Variants in KIRREL3 observed in about 807,000 individuals in gnomAD.
The protein encoded by KIRREL3 is kin of IRRE-like protein 3.
Under a neutral mutation model 89.7 loss-of-function variants are expected in KIRREL3, and 36 were observed. The ratio of observed to expected loss-of-function variants is 0.40; its 90% CI spans 0.31 to 0.53. KIRREL3 has a LOEUF of 0.53. KIRREL3 is among the 20% of genes least tolerant of loss of function. The pLI is 0.49. For missense variants in KIRREL3, 864 were observed against 1,056.6 expected, an observed-to-expected ratio of 0.82 and a Z score of 2.53; for synonymous variants, 445 against 441.4, an observed-to-expected ratio of 1.01 and a Z score of -0.10.
chr11:126,425,000 G>A lies in KIRREL3; in HGVS notation c.1917C>T (p.Ser639=), dbSNP rs759990243. The A allele has an allele frequency of 2.6e-5, 40 of 1,548,710 alleles. No individual in the cohort carries two copies. In the African/African-American group the frequency reaches 3.0e-4, roughly 12 times the overall value. Residue 639 remains serine, a synonymous_variant, in exon 17 of 17, where the codon AGC becomes AGT. Coordinates refer to ENST00000525144, the MANE Select transcript of KIRREL3 (RefSeq NM_032531.4). ...NLKDPTNGYY[S]VNTFKEHHST... ...AGTGGTGCTCTTTGAAGGTGTTGAC[G>A]CTGTAGTAGCCATTGGTGGGGTCCT...
rs774292896 is a variant in KIRREL3, at chr11:126,476,160, G to C, written c.434-2694C>G. On this transcript the variant is annotated intron_variant, in intron 4 of 16. Coordinates refer to ENST00000525144, the MANE Select transcript of KIRREL3 (RefSeq NM_032531.4). This position sits in a 1 kb window ranked among gnomAD's most constrained non-coding sequence, Gnocchi z 6.4. ...CGGACATTTACTGGGCCTTGGACAGGGGTTTGAAGCCTTGACTGCATGCTC... is the reference window on the plus strand; with the variant it reads ...CGGACATTTACTGGGCCTTGGACAGCGGTTTGAAGCCTTGACTGCATGCTC... Among the ~76,000 whole-genome samples the C allele has an allele frequency of 2.0e-5, 3 of 152,204 alleles. No individual in the cohort carries two copies. Among genetic ancestry groups the C allele is most frequent in the Non-Finnish European group, 4.4e-5 (3 of 68,034 alleles).
intron 1 of KIRREL3, among the ~76,000 whole-genome samples, chr11:126,629,584 C>A (rs1384726648): frequency 2.0e-5 from 3 of 152,224 alleles, no homozygotes; most frequent in Non-Finnish European, 4.4e-5. Flanking sequence ...CATGTCCACC[C>A]TGCCCTGTGC....
rs1049415649 is a variant in KIRREL3, at chr11:126,904,566, T to C, written c.55+95889A>G. ...CCACACTTCTTAGCTCAGCTGCTGA[T>C]GGCTTCCTACTAATGACTTTAAATA... is the stretch of plus-strand genomic sequence containing the variant. On this transcript the variant is annotated intron_variant, in intron 1 of 16. Coordinates refer to ENST00000525144, the MANE Select transcript of KIRREL3 (RefSeq NM_032531.4). This position sits in a 1 kb window ranked among gnomAD's most constrained non-coding sequence, Gnocchi z 4.4. Among the ~76,000 whole-genome samples the C allele has an allele frequency of 3.3e-5, 5 of 152,240 alleles. No individual in the cohort carries two copies. Among genetic ancestry groups the C allele is most frequent in the Non-Finnish European group, 5.9e-5 (4 of 68,042 alleles).
intron 2 of KIRREL3, among the ~76,000 whole-genome samples, chr11:126,548,665 T>C (rs1326150273): frequency 2.0e-5 from 3 of 152,248 alleles, no homozygotes; most frequent in African/African-American, 7.2e-5. Context: ...ACTAGCGCTC[T>C]TGCTTAGGGC....
At chr11:126,735,603 G>C (rs1297816750) in intron 1 of KIRREL3, among the ~76,000 whole-genome samples, 1 of 152,194 alleles carries the variant, frequency 6.6e-6, no homozygotes, top group African/African-American at 2.4e-5. Flanking sequence ...GGCTTTGGAG[G>C]TAACAGGCAG....
chr11:126,826,501 C>A (rs73026545), intron 1 of KIRREL3, among the ~76,000 whole-genome samples: 38,005 of 151,990 alleles, frequency 0.25, 4,793 homozygotes, highest in Admixed American at 0.31. Context: ...CTCCTGTGAA[C>A]CTTCTCCAAT....
Position 126,653,594 on chromosome 11 carries a change from C to T in KIRREL3, c.56-90682G>A, listed in dbSNP as rs1944997655. 6.6e-6 allele frequency among the ~76,000 whole-genome samples: 1 copy of T among 152,136 alleles called. No homozygotes were observed. The highest frequency in any genetic ancestry group is 1.5e-5 in the Non-Finnish European group (1 of 68,018). On this transcript the variant is annotated intron_variant, in intron 1 of 16. Coordinates refer to ENST00000525144, the MANE Select transcript of KIRREL3 (RefSeq NM_032531.4). The surrounding 1 kb of genome is among the most constrained non-coding windows in gnomAD (Gnocchi z 5.4). Reference sequence around the variant, plus strand: ...TGGCATTTTGCAAACTCCAATCCCCCAGGACCACATGTGAAGGAGCTCTTT... The same window carrying T: ...TGGCATTTTGCAAACTCCAATCCCCTAGGACCACATGTGAAGGAGCTCTTT...
At chr11:126,910,607 T>A (rs186525368) in intron 1 of KIRREL3, among the ~76,000 whole-genome samples, 90 of 152,226 alleles carry the variant, frequency 5.9e-4, no homozygotes, top group Non-Finnish European at 3.1e-4. Context: ...TCCCACGAGG[T>A]AAATAATAGT....
intron 1 of KIRREL3, among the ~76,000 whole-genome samples, chr11:126,960,703 CCT>C (rs1949059703): frequency 1.3e-5 from 2 of 152,036 alleles, no homozygotes. Flanking sequence ...GAACTCCACC[CCT>C]CTCTTTTCTT....
intron 1 of KIRREL3, among the ~76,000 whole-genome samples, chr11:126,888,613 A>C (rs1213771858): frequency 6.6e-6 from 1 of 152,012 alleles, no homozygotes; most frequent in Non-Finnish European, 1.5e-5. Context: ...AGGCCCTCCC[A>C]TTCCAAGATG....
Position 126,724,448 on chromosome 11 carries a change from C to A in KIRREL3, c.56-161536G>T, listed in dbSNP as rs1243903858. ...GAGTGAGTGAGCCAGCAGATGGACA[C>A]CCTGGAGGTTCGGAGCCATGTCACT... On this transcript the variant is annotated intron_variant, in intron 1 of 16. Coordinates refer to ENST00000525144, the MANE Select transcript of KIRREL3 (RefSeq NM_032531.4). This position sits in a 1 kb window ranked among gnomAD's most constrained non-coding sequence, Gnocchi z 4.3. 2.6e-5 allele frequency among the ~76,000 whole-genome samples: 4 copies of A among 152,280 alleles called. No homozygotes were observed. Among genetic ancestry groups the A allele is most frequent in the African/African-American group, 9.6e-5 (4 of 41,536 alleles).
At chr11:126,980,123 G>A (rs1591418028) in intron 1 of KIRREL3, among the ~76,000 whole-genome samples, 1 of 152,286 alleles carries the variant, frequency 6.6e-6, no homozygotes, top group South Asian at 2.1e-4. Flanking sequence ...GGTAACCTTT[G>A]AGCCAAGCCT....
chr11:126,974,285 CA>C (rs1949508627), intron 1 of KIRREL3, among the ~76,000 whole-genome samples: 1 of 152,118 alleles, frequency 6.6e-6, no homozygotes, highest in African/African-American at 2.4e-5. Flanking sequence ...GTGCTGTAGT[CA>C]AATAATGTTT....
intron 1 of KIRREL3, among the ~76,000 whole-genome samples, chr11:126,588,409 T>C (rs1053259127): frequency 1.3e-5 from 2 of 152,130 alleles, no homozygotes; most frequent in Non-Finnish European, 2.9e-5. Context: ...GCAAGTTACC[T>C]GGGAGGGCTA....
rs1316236358 is a variant in KIRREL3, at chr11:126,912,692, G to A, written c.55+87763C>T. 6.6e-6 allele frequency among the ~76,000 whole-genome samples: 1 copy of A among 152,220 alleles called. No individual in the cohort carries two copies. Among genetic ancestry groups the A allele is most frequent in the Non-Finnish European group, 1.5e-5 (1 of 68,044 alleles). On this transcript the variant is annotated intron_variant, in intron 1 of 16. Transcript: ENST00000525144. The surrounding 1 kb of genome is among the most constrained non-coding windows in gnomAD (Gnocchi z 4.7). ...TGCCCCTGCTGTTCATCATGTTTCTGGGGTCTTTGTTTCAAATGTGAGGCA... is the reference window on the plus strand; with the variant it reads ...TGCCCCTGCTGTTCATCATGTTTCTAGGGTCTTTGTTTCAAATGTGAGGCA...
At chr11:126,673,759 C>T (rs4112714) in intron 1 of KIRREL3, among the ~76,000 whole-genome samples, 45,851 of 152,110 alleles carry the variant, frequency 0.3, 7,180 homozygotes, top group East Asian at 0.39. Flanking sequence ...AGATCTTCCT[C>T]CACTGAGAAA....
chr11:126,448,783 G>A (rs1031534444), intron 8 of KIRREL3, among the ~76,000 whole-genome samples: 2 of 152,162 alleles, frequency 1.3e-5, no homozygotes, highest in South Asian at 2.1e-4. Flanking sequence ...CTATGGTAAC[G>A]TGTCATAGCA....
chr11:126,538,716 A>T (rs1938118901), intron 2 of KIRREL3, among the ~76,000 whole-genome samples: 1 of 152,180 alleles, frequency 6.6e-6, no homozygotes, highest in African/African-American at 2.4e-5. Context: ...TTCAGCTCTC[A>T]GGATGCCATG....
chr11:126,572,451 A>G (rs1941002411), intron 1 of KIRREL3, among the ~76,000 whole-genome samples: 1 of 152,218 alleles, frequency 6.6e-6, no homozygotes, highest in Non-Finnish European at 1.5e-5. Flanking sequence ...ACGACCCAGG[A>G]TTAGAACCCA....
Sources: gnomAD v4.1 joint callset for allele counts (sites outside exome capture counted in the v4.1 genomes callset) on GRCh38, gnomAD v4.1.1 for gene constraint, Gnocchi (gnomAD v3.1) non-coding constraint, MANE v1.5 for transcripts, NCBI Gene and HGNC (gene_info 2026-07-23, HGNC 2026-07-21) for gene names.